DGCR2: variants seen among roughly 807,000 people sequenced by gnomAD.
DGCR2 encodes the protein DiGeorge syndrome critical region gene 2, also known as integral membrane protein DGCR2/IDD.
Under a neutral mutation model 51.6 loss-of-function variants are expected in DGCR2, and 24 were observed. The observed-to-expected ratio is 0.47, with a 90% CI of 0.34 to 0.65. The LOEUF is 0.65. DGCR2 is among the 30% of genes least tolerant of loss of function. The probability of loss-of-function intolerance (pLI) is 0.01; values close to 1 mark genes in which losing one functional copy is unlikely to be tolerated. For synonymous variants in DGCR2, 340 were observed against 315.4 expected (o/e 1.08, Z -0.82); for missense variants, 765 against 772.1 (o/e 0.99, Z 0.11).
intron 1 of DGCR2, among the ~76,000 whole-genome samples, chr22:19,112,778 G>C (rs2083330643): frequency 6.9e-6 from 1 of 144,286 alleles, no homozygotes; most frequent in African/African-American, 2.5e-5. Context: ...TCACATGGAA[G>C]AGAGAAGAGA....
intron 6 of DGCR2, among the ~76,000 whole-genome samples, chr22:19,052,458 A>AG (rs59639212): frequency 6.6e-6 from 1 of 152,008 alleles, no homozygotes; most frequent in Non-Finnish European, 1.5e-5. Context: ...AAAAGAAAAA[A>AG]GAAAACACGT....
intron 1 of DGCR2, among the ~76,000 whole-genome samples, chr22:19,096,882 T>C (rs553083514): frequency 9.3e-6 from 1 of 107,200 alleles, no homozygotes; most frequent in African/African-American, 4.0e-5. Flanking sequence ...TCCATTCTAT[T>C]AAAAAAAAAA....
chr22:19,041,095 G>C lies in DGCR2; in HGVS notation c.1359C>G (p.Ala453=), dbSNP rs755843852. The part of the protein sequence containing the change: ...QPDDPPPPYE[A]SIHPDSVFYD... ...AGAACACACTGTCCGGGTGGATGGA[G>C]GCCTCGTAGGGCGGCGGAGGGTCGT... Residue 453 remains alanine, a synonymous_variant, in exon 9 of 10, where the codon GCC becomes GCG. Coordinates refer to ENST00000263196, the MANE Select transcript of DGCR2 (RefSeq NM_005137.3). 5.6e-6 allele frequency: 9 copies of C among 1,611,980 alleles called. No homozygotes were observed. Among genetic ancestry groups the C allele is most frequent in the African/African-American group, 1.3e-5 (1 of 74,914 alleles).
intron 1 of DGCR2, among the ~76,000 whole-genome samples, chr22:19,102,371 T>C: frequency 6.6e-6 from 1 of 152,158 alleles, no homozygotes; most frequent in East Asian, 1.9e-4. Context: ...ACATTCTGCA[T>C]GTTCTTAGCA....
Position 19,057,241 on chromosome 22 carries a change from G to A in DGCR2, c.626-79C>T, listed in dbSNP as rs1427129653. ...GTGCAGTCCTCAAGGGGACCATGGC[G>A]TCAGACAGGATCATCAACCACAGGG... On this transcript the variant is annotated intron_variant, in intron 5 of 9. Coordinates refer to ENST00000263196, the MANE Select transcript of DGCR2 (RefSeq NM_005137.3). The surrounding 1 kb of genome is among the most constrained non-coding windows in gnomAD (Gnocchi z 5.1). 5.7e-6 allele frequency: 8 copies of A among 1,402,914 alleles called. No homozygotes were observed. Among genetic ancestry groups the A allele is most frequent in the Admixed American group, 2.5e-5 (1 of 39,752 alleles). The allele number at this position is 1,402,914 out of a possible 1,614,324, so 86.9% of individuals were successfully genotyped here. A position where few individuals can be genotyped will look rare whatever the true frequency, so the allele number is the denominator to read the frequency against.
chr22:19,091,369 C>G (rs2083076168), intron 1 of DGCR2, among the ~76,000 whole-genome samples: 2 of 152,020 alleles, frequency 1.3e-5, no homozygotes, highest in South Asian at 4.2e-4. Context: ...CAAAAAAAGG[C>G]TAGCTGGAGT....
intron 1 of DGCR2, among the ~76,000 whole-genome samples, chr22:19,093,064 T>TA (rs1325006765): frequency 2.6e-5 from 4 of 152,116 alleles, no homozygotes; most frequent in Admixed American, 6.6e-5. Flanking sequence ...TTGAACCGCA[T>TA]AAAAAATTCA....
At chr22:19,041,535 C>T in intron 8 of DGCR2, 1 of 608,366 alleles carries the variant, frequency 1.6e-6, no homozygotes, top group Non-Finnish European at 2.9e-6. Flanking sequence ...CAGACCCAGC[C>T]TCTGGCTGAC....
chr22:19,121,405 G>A (rs1453002614), intron 1 of DGCR2: 1 of 152,184 alleles, frequency 6.6e-6, no homozygotes, highest in African/African-American at 2.4e-5. Flanking sequence ...CATTTAGGGA[G>A]TTTGATTTTT....
intron 6 of DGCR2, chr22:19,056,583 C>G (rs1159950706): frequency 2.7e-6 from 1 of 368,474 alleles, no homozygotes; most frequent in Non-Finnish European, 5.0e-6. Flanking sequence ...ACACCATAGA[C>G]TGGCAAGGTA....
intron 2 of DGCR2, among the ~76,000 whole-genome samples, chr22:19,081,167 G>A (rs1300378787): frequency 6.6e-6 from 1 of 152,226 alleles, no homozygotes; most frequent in Non-Finnish European, 1.5e-5. Context: ...TTCAAAGAAT[G>A]TATGTAGCAC....
intron 1 of DGCR2, among the ~76,000 whole-genome samples, chr22:19,094,361 G>A (rs941071772): frequency 6.6e-6 from 1 of 152,196 alleles, no homozygotes; most frequent in African/African-American, 2.4e-5. Context: ...GGAGACAGAG[G>A]TTGCAGTGAG....
Position 19,065,062 on chromosome 22 carries a change from G to C in DGCR2, c.334C>G (p.Leu112Val), listed in dbSNP as rs1200680291. ...TGCCACCCTGTCGGGCACTTCCCTA[G>C]GAAACATAAAGGACAGAAGGGGAGT... ...VAQPVRFSSF[L>V]GKCPTGWHHY... is the part of the protein sequence containing the mutation. Residue 112 changes from leucine to valine, a missense_variant, in exon 4 of 10, where the codon CTA (leucine) becomes GTA (valine). Leu to Val is a conservative substitution (Grantham distance 32). Coordinates refer to ENST00000263196, the MANE Select transcript of DGCR2 (RefSeq NM_005137.3). The C allele has an allele frequency of 1.9e-5, 30 of 1,613,772 alleles. No homozygotes were observed. Among genetic ancestry groups the C allele is most frequent in the Non-Finnish European group, 2.5e-5 (30 of 1,179,962 alleles).
intron 2 of DGCR2, among the ~76,000 whole-genome samples, chr22:19,078,230 T>C (rs367571369): frequency 4.0e-5 from 6 of 151,774 alleles, no homozygotes; most frequent in South Asian, 4.1e-4. Context: ...CAACTTATGA[T>C]AGTTTGACTA....
chr22:19,059,748 G>A (rs796074132), intron 5 of DGCR2, among the ~76,000 whole-genome samples: 18 of 152,208 alleles, frequency 1.2e-4, no homozygotes, highest in African/African-American at 4.3e-4. Context: ...ACCAGCCACC[G>A]GAGGACACCC....
At chr22:19,075,097 A>AT (rs78880315) in intron 2 of DGCR2, among the ~76,000 whole-genome samples, 2,505 of 149,914 alleles carry the variant, frequency 0.017, 90 homozygotes, top group East Asian at 0.062. Context: ...TATTAATCAG[A>AT]TATTGGATTT....
chr22:19,062,944 A>G (rs954532519), intron 5 of DGCR2, among the ~76,000 whole-genome samples: 1 of 152,056 alleles, frequency 6.6e-6, no homozygotes, highest in Non-Finnish European at 1.5e-5. Flanking sequence ...CTTCAAAAGG[A>G]GGCGGGGGAC....
intron 5 of DGCR2, among the ~76,000 whole-genome samples, chr22:19,058,419 A>T (rs73157296): frequency 0.18 from 26,876 of 152,058 alleles, 2,539 homozygotes; most frequent in South Asian, 0.28. Context: ...TACCACCTGG[A>T]GGGCTGGTCT....
intron 1 of DGCR2, among the ~76,000 whole-genome samples, chr22:19,116,274 C>G (rs1474446093): frequency 6.6e-6 from 1 of 152,232 alleles, no homozygotes; most frequent in East Asian, 1.9e-4. Context: ...CCCAGAAGGT[C>G]CAGGGCATCT....
Sources: allele counts gnomAD v4.1 joint callset (sites outside exome capture counted in the v4.1 genomes callset), GRCh38; gene constraint gnomAD v4.1.1; non-coding constraint Gnocchi (gnomAD v3.1); transcripts MANE v1.5; gene names NCBI Gene and HGNC (gene_info 2026-07-23, HGNC 2026-07-21).